NRP2: variants seen among roughly 807,000 people sequenced by gnomAD.
NRP2 encodes the protein neuropilin 2, also known as neuropilin-2.
NRP2 carries 52 observed loss-of-function variants against 110.4 expected under a neutral mutation model. That is an observed-to-expected ratio of 0.47 (90% confidence interval 0.38 to 0.59). The LOEUF (loss-of-function observed/expected upper bound fraction) is 0.59, where lower values mean the gene tolerates loss of function less well. Ranked by LOEUF, NRP2 falls within the 20% of genes least tolerant of loss-of-function variation. NRP2 has a pLI of 0.00. For missense variants in NRP2, 1,049 were observed against 1,203.0 expected, an observed-to-expected ratio of 0.87 and a Z score of 1.89; for synonymous variants, 508 against 468.9, an observed-to-expected ratio of 1.08 and a Z score of -1.08.
intron 7 of NRP2, 47 bp downstream of exon 7, chr2:205,728,093 G>A (rs1243148248): frequency 6.2e-7 from 1 of 1,611,882 alleles, no homozygotes; most frequent in Non-Finnish European, 8.5e-7. Context: ...CAGGGCAGGA[G>A]GGATGGGATC....
At chr2:205,753,007 G>C (rs756133642) in intron 12 of NRP2, 32 bp downstream of exon 12, 1 of 1,611,986 alleles carries the variant, frequency 6.2e-7, no homozygotes, top group South Asian at 1.1e-5. Flanking sequence ...ATATGAAAGA[G>C]TTAAGGCCAG....
intron 15 of NRP2, among the ~76,000 whole-genome samples, chr2:205,772,317 C>T (rs1009645136): frequency 2.6e-5 from 4 of 152,200 alleles, no homozygotes; most frequent in African/African-American, 4.8e-5. Context: ...TAGGAATGAC[C>T]GGAACACTAC....
At chr2:205,750,832 G>A (rs527822009) in intron 11 of NRP2, among the ~76,000 whole-genome samples, 1 of 152,330 alleles carries the variant, frequency 6.6e-6, no homozygotes, top group African/African-American at 2.4e-5. Context: ...ACAGCCGTTT[G>A]ACAGTTAGAG....
chr2:205,769,372 T>C (rs762147742), intron 15 of NRP2, among the ~76,000 whole-genome samples: 10 of 152,336 alleles, frequency 6.6e-5, no homozygotes, highest in Admixed American at 2.0e-4. Flanking sequence ...GACCTGGAGT[T>C]ATTAGATGGT....
At chr2:205,769,143 T>C (rs921480611) in intron 15 of NRP2, among the ~76,000 whole-genome samples, 2 of 152,112 alleles carry the variant, frequency 1.3e-5, no homozygotes, top group Non-Finnish European at 2.9e-5. Flanking sequence ...GCCTTTTCAC[T>C]CAAAAAATGG....
intron 8 of NRP2, 123 bp downstream of exon 8, chr2:205,740,786 T>C (rs2057426192): frequency 3.7e-6 from 4 of 1,094,200 alleles, no homozygotes; most frequent in Non-Finnish European, 5.3e-6. Flanking sequence ...GCTCAAGGAC[T>C]CAAGTCCTAC....
chr2:205,787,704 A>AT (rs1191665131), intron 15 of NRP2, among the ~76,000 whole-genome samples: 4 of 114,048 alleles, frequency 3.5e-5, no homozygotes, highest in African/African-American at 1.1e-4. Context: ...GAGAGGAAAG[A>AT]TAAAAAAAAG....
intron 15 of NRP2, among the ~76,000 whole-genome samples, chr2:205,783,759 A>C (rs142584619): frequency 1.8e-4 from 28 of 152,322 alleles, no homozygotes; most frequent in African/African-American, 6.0e-4. Context: ...CAGTCCAAAC[A>C]CCATTTCTAG....
At chr2:205,695,516 G>A (rs879426000) in intron 1 of NRP2, among the ~76,000 whole-genome samples, 11 of 152,084 alleles carry the variant, frequency 7.2e-5, no homozygotes, top group Non-Finnish European at 1.6e-4. Context: ...AGAGAGTGTG[G>A]GTAGGGAGAG....
chr2:205,736,307 A>G (rs1432165600), intron 7 of NRP2, among the ~76,000 whole-genome samples: 1 of 152,204 alleles, frequency 6.6e-6, no homozygotes, highest in Non-Finnish European at 1.5e-5. Flanking sequence ...GTGCCACTGC[A>G]CTCCAGCCTG....
chr2:205,792,398 A>G (rs2058311464), intron 16 of NRP2, 113 bp downstream of exon 16: 5 of 756,288 alleles, frequency 6.6e-6, no homozygotes, highest in Admixed American at 6.0e-5. Flanking sequence ...ACTATCAGTC[A>G]GAAATATATA....
chr2:205,786,740 G>A (rs2058239981), intron 15 of NRP2, among the ~76,000 whole-genome samples: 1 of 152,194 alleles, frequency 6.6e-6, no homozygotes, highest in Admixed American at 6.5e-5. Flanking sequence ...AGTTAACACA[G>A]AGGCTTAAAA....
chr2:205,745,979 G>T, intron 10 of NRP2, 89 bp downstream of exon 10: 1 of 1,473,988 alleles, frequency 6.8e-7, no homozygotes, highest in African/African-American at 1.4e-5. Context: ...CTGTGGAGGG[G>T]GCAGCCATCC....
intron 1 of NRP2, among the ~76,000 whole-genome samples, chr2:205,688,864 A>AG (rs1190566785): frequency 6.6e-6 from 1 of 151,422 alleles, no homozygotes; most frequent in Non-Finnish European, 1.5e-5. Flanking sequence ...AACAAAACAA[A>AG]AAAAACAAAA....
rs78673041 is a variant in NRP2 at position 205,755,263 on chromosome 2, G to A, written c.2044+2288G>A. On this transcript the variant is annotated intron_variant, in intron 12 of 16. Coordinates refer to ENST00000357785, the MANE Select transcript of NRP2 (RefSeq NM_003872.3). The stretch of plus-strand genomic sequence containing the variant: ...TCAGAGCAAGCTCACAAAGTGGGCA[G>A]AATTCCAACCTTTGGCTGAATGGAT... Among the ~76,000 whole-genome samples the A allele has an allele frequency of 7.0e-3, 1,064 of 152,306 alleles. 16 individuals are homozygous for A. The highest frequency in any genetic ancestry group is 0.024 in the African/African-American group (1,000 of 41,548).
intron 1 of NRP2, among the ~76,000 whole-genome samples, chr2:205,687,244 G>A (rs1362430473): frequency 2.2e-4 from 33 of 152,228 alleles, no homozygotes; most frequent in Non-Finnish European, 1.5e-5. Context: ...TCCTGAAAGA[G>A]AAGCAATGAC....
chr2:205,753,799 A>G (rs1298348122), intron 12 of NRP2, among the ~76,000 whole-genome samples: 1 of 152,238 alleles, frequency 6.6e-6, no homozygotes, highest in African/African-American at 2.4e-5. Flanking sequence ...TTAAGCTACC[A>G]ACACAACATC....
chr2:205,731,607 A>G (rs1275769229), intron 7 of NRP2, among the ~76,000 whole-genome samples: 1 of 152,186 alleles, frequency 6.6e-6, no homozygotes, highest in African/African-American at 2.4e-5. Flanking sequence ...GTTCCCTCTC[A>G]TTCGGTAAAC....
At chr2:205,777,216 G>A in intron 15 of NRP2, 1 of 910,590 alleles carries the variant, frequency 1.1e-6, no homozygotes, top group African/African-American at 1.8e-5. Context: ...AGAAATAGAG[G>A]CCACATGGGA....
Sources: gnomAD v4.1 joint callset for allele counts (sites outside exome capture counted in the v4.1 genomes callset) on GRCh38, gnomAD v4.1.1 for gene constraint, MANE v1.5 for transcripts, NCBI Gene and HGNC (gene_info 2026-07-23, HGNC 2026-07-21) for gene names.